Variants in PPP1R12B observed in about 807,000 individuals in gnomAD.
PPP1R12B encodes the protein protein phosphatase 1 regulatory subunit 12B.
PPP1R12B carries 76 observed loss-of-function variants against 126.1 expected under a neutral mutation model. The ratio of observed to expected loss-of-function variants is 0.60; its 90% confidence interval spans 0.50 to 0.73. The LOEUF (loss-of-function observed/expected upper bound fraction) is 0.73, where lower values mean the gene tolerates loss of function less well. Among genes scored for constraint, PPP1R12B ranks in the 30% least tolerant of loss-of-function variants. The pLI is 0.00. For synonymous variants in PPP1R12B, 356 were observed against 434.7 expected, an observed-to-expected ratio of 0.82 and a Z score of 2.25; for missense variants, 1,052 against 1,205.1, an observed-to-expected ratio of 0.87 and a Z score of 1.88.
chr1:202,503,844 A>G (rs12730320), intron 18 of PPP1R12B, among the ~76,000 whole-genome samples: 3 of 151,544 alleles, frequency 2.0e-5, no homozygotes, highest in Admixed American at 6.6e-5. Context: ...TAAATGGACC[A>G]TGCAATGGTA....
intron 1 of PPP1R12B, among the ~76,000 whole-genome samples, chr1:202,364,806 G>A (rs1203975875): frequency 6.6e-6 from 1 of 152,030 alleles, no homozygotes; most frequent in East Asian, 1.9e-4. Context: ...TCGATCTCCT[G>A]ACCTCGTGAT....
At chr1:202,383,639 G>A (rs181081895) in intron 1 of PPP1R12B, among the ~76,000 whole-genome samples, 47 of 152,180 alleles carry the variant, frequency 3.1e-4, no homozygotes, top group African/African-American at 1.1e-3. Flanking sequence ...CACAAGGATT[G>A]CTTGAACCCA....
At chr1:202,553,013 T>A (rs1486511866) in intron 18 of PPP1R12B, among the ~76,000 whole-genome samples, 2 of 152,208 alleles carry the variant, frequency 1.3e-5, no homozygotes, top group Non-Finnish European at 2.9e-5. Context: ...ACCAGTCTGG[T>A]TTCTGTCCCT....
chr1:202,421,786 C>CTCT (rs1327001956), intron 2 of PPP1R12B, among the ~76,000 whole-genome samples: 1 of 152,026 alleles, frequency 6.6e-6, no homozygotes, highest in African/African-American at 2.4e-5. Context: ...GAGCTCCTAG[C>CTCT]GTTATTAGAG....
intron 18 of PPP1R12B, among the ~76,000 whole-genome samples, chr1:202,516,522 G>A (rs1326818396): frequency 6.6e-6 from 1 of 152,040 alleles, no homozygotes; most frequent in Non-Finnish European, 1.5e-5. Flanking sequence ...TCTTCTCTTT[G>A]TGACTCATCT....
chr1:202,484,583 T>A (rs1049993161), intron 13 of PPP1R12B, among the ~76,000 whole-genome samples: 2 of 152,252 alleles, frequency 1.3e-5, no homozygotes, highest in Non-Finnish European at 2.9e-5. Flanking sequence ...TTGGTGAGTT[T>A]TATACTTTTA....
At chr1:202,453,606 A>G (rs1398106303) in intron 13 of PPP1R12B, among the ~76,000 whole-genome samples, 2 of 152,198 alleles carry the variant, frequency 1.3e-5, no homozygotes, top group Non-Finnish European at 2.9e-5. Flanking sequence ...TAAGTATAAA[A>G]GATACAATAC....
intron 23 of PPP1R12B, among the ~76,000 whole-genome samples, chr1:202,578,329 C>T (rs1172897512): frequency 6.6e-6 from 1 of 152,190 alleles, no homozygotes; most frequent in East Asian, 1.9e-4. Flanking sequence ...TTCTTCCTAC[C>T]TATTATGGAA....
intron 3 of PPP1R12B, among the ~76,000 whole-genome samples, chr1:202,423,284 A>C (rs985426560): frequency 3.3e-5 from 5 of 152,176 alleles, no homozygotes; most frequent in African/African-American, 1.2e-4. Context: ...GGAATTTTTC[A>C]ACCTGGAAGT....
In PPP1R12B at chr1:202,588,286, G is replaced by T. The variant is rs1477583702; in HGVS notation, c.*7726G>T. 6.6e-6 allele frequency: 1 copy of T among 152,602 alleles called. No homozygotes were observed. Among genetic ancestry groups the T allele is most frequent in the East Asian group, 1.9e-4 (1 of 5,184 alleles). The allele number at this position is 152,602 out of a possible 1,614,324, so 9.5% of individuals were successfully genotyped here. A position where few individuals can be genotyped will look rare whatever the true frequency, so the allele number is the denominator to read the frequency against. The stretch of plus-strand genomic sequence containing the variant: ...GATGTAACTGTTTTTCAGCTGAGTT[G>T]TATGGATTAACTTCAGTCCACTGTA... On this transcript the variant is annotated 3_prime_UTR_variant, in exon 24 of 24. Transcript: ENST00000608999.
intron 1 of PPP1R12B, among the ~76,000 whole-genome samples, chr1:202,389,069 GA>G (rs1663636224): frequency 6.6e-6 from 1 of 151,970 alleles, no homozygotes; most frequent in Non-Finnish European, 1.5e-5. Context: ...TCTACTTGGG[GA>G]AAAAAATTAT....
intron 1 of PPP1R12B, among the ~76,000 whole-genome samples, chr1:202,372,240 T>C (rs535119497): frequency 2.0e-4 from 31 of 152,272 alleles, no homozygotes; most frequent in African/African-American, 7.2e-4. Context: ...CCAGTGGCTC[T>C]TATCTGTAAT....
Position 202,495,329 on chromosome 1 carries a change from G to C in PPP1R12B, c.2182G>C (p.Asp728His). The C allele has an allele frequency of 1.3e-6, 2 of 1,588,434 alleles. No homozygotes were observed. The highest frequency in any genetic ancestry group is 1.2e-5 in the South Asian group (1 of 85,472). ...CHRLRCPAQPDKPTTPASPST... is the reference protein window; with the variant it reads ...CHRLRCPAQPHKPTTPASPST... ...TCGCCTGAGGTGCCCAGCTCAGCCA[G>C]ACAAACCCACCACGCCAGCATCTCC... is the stretch of plus-strand genomic sequence containing the variant. The change falls in exon 16 of 24, where the codon GAC (aspartate) becomes CAC (histidine). Residue 728 changes from aspartate (D) to histidine (H), a missense_variant. Physicochemically the swap from Asp to His is moderately conservative, Grantham distance 81 (BLOSUM62 -1). Coordinates refer to ENST00000608999, the MANE Select transcript of PPP1R12B (RefSeq NM_002481.4).
chr1:202,364,462 T>C (rs1658769865), intron 1 of PPP1R12B, among the ~76,000 whole-genome samples: 2 of 152,204 alleles, frequency 1.3e-5, no homozygotes, highest in Non-Finnish European at 2.9e-5. Flanking sequence ...GGTCTTACTC[T>C]GTCACCCAGG....
intron 1 of PPP1R12B, among the ~76,000 whole-genome samples, chr1:202,401,361 ATTTTTTT>A (rs34810265): frequency 0.019 from 1,380 of 71,344 alleles, 14 homozygotes; most frequent in African/African-American, 0.073. Context: ...GGCTAATTTA[ATTTTTTT>A]TTTTTTTTTT....
At chr1:202,381,398 GT>G (rs1662242822) in intron 1 of PPP1R12B, among the ~76,000 whole-genome samples, 1 of 8,784 alleles carries the variant, frequency 1.1e-4, no homozygotes, top group African/African-American at 3.4e-4. Context: ...GAGCTTTGGG[GT>G]GTGTGTGTGT....
In PPP1R12B at chr1:202,416,838, G is replaced by A; in HGVS notation, c.343G>A (p.Ala115Thr). ...GGTGAAGTTTCTGGTGGAGAACAGA[G>A]CCAATGTAAACCAGCAAGACAACGA... The part of the protein sequence containing the change: ...DMVKFLVENR[A>T]NVNQQDNEGW... The change falls in exon 2 of 24, where the codon GCC becomes ACC. Residue 115 changes from alanine to threonine, a missense_variant. By Grantham distance (58) the Ala-to-Thr change is moderately conservative. Transcript: ENST00000608999. 1 of 1,614,004 alleles carries A rather than the reference G, an allele frequency of 6.2e-7. No individual in the cohort carries two copies. The highest frequency in any genetic ancestry group is 8.5e-7 in the Non-Finnish European group (1 of 1,179,940).
Position 202,558,857 on chromosome 1 carries a change from T to C in PPP1R12B, c.2491-20T>C, listed in dbSNP as rs571961723. The C allele has an allele frequency of 1.3e-6, 2 of 1,507,456 alleles. No individual in the cohort carries two copies. The highest frequency in any genetic ancestry group is 1.8e-6 in the Non-Finnish European group (2 of 1,093,722). 93.4% of individuals were successfully genotyped at this position (1,507,456 alleles called of 1,614,324 possible). Reference sequence around the variant, plus strand: ...TTTCTTTTTTCTTTTTTTGTTTTTGTTTTTGTCTCCTTTCTCTAGCATGAA... The same window carrying C: ...TTTCTTTTTTCTTTTTTTGTTTTTGCTTTTGTCTCCTTTCTCTAGCATGAA... On this transcript the variant is annotated intron_variant, in intron 18 of 23. Transcript: ENST00000608999.
intron 1 of PPP1R12B, among the ~76,000 whole-genome samples, chr1:202,409,396 A>G (rs1180061904): frequency 6.7e-6 from 1 of 150,192 alleles, no homozygotes; most frequent in Non-Finnish European, 1.5e-5. Flanking sequence ...ATCTCGGCTC[A>G]CTGCAACCTC....
Sources: allele counts gnomAD v4.1 joint callset (sites outside exome capture counted in the v4.1 genomes callset), GRCh38; gene constraint gnomAD v4.1.1; transcripts MANE v1.5; gene names NCBI Gene and HGNC (gene_info 2026-07-23, HGNC 2026-07-21).